The following PXDNL variants were observed in gnomAD, a reference collection of about 807,000 sequenced individuals.
PXDNL encodes peroxidasin like.
In PXDNL, 145 loss-of-function variants were observed where a neutral mutation model predicts 150.8. The ratio of observed to expected loss-of-function variants is 0.96; its 90% CI spans 0.84 to 1.10. The LOEUF is 1.10. PXDNL is among the 50% of genes least tolerant of loss of function. The pLI, the probability that PXDNL is intolerant of heterozygous loss-of-function variation, is 0.00. For missense variants in PXDNL, 2,087 were observed against 1,873.9 expected (o/e 1.11, Z -2.10); for synonymous variants, 757 against 725.7 (o/e 1.04, Z -0.69).
At chr8:51,569,987 T>C (rs1016670525) in intron 3 of PXDNL, among the ~76,000 whole-genome samples, 3 of 151,974 alleles carry the variant, frequency 2.0e-5, no homozygotes, top group African/African-American at 7.2e-5. Flanking sequence ...CCGGGATCAC[T>C]GCGAAGCTGC....
rs1815444918 is a variant in PXDNL, at chr8:51,669,009, AAAT to A, written c.165-14252_165-14250del. Among the ~76,000 whole-genome samples, 4 of 152,350 alleles carry A rather than the reference AAAT, an allele frequency of 2.6e-5. No individual in the cohort carries two copies. The South Asian group carries it at 8.3e-4, about 32-fold the overall frequency. On this transcript the variant is annotated intron_variant, in intron 1 of 22. Coordinates refer to ENST00000356297, the MANE Select transcript of PXDNL (RefSeq NM_144651.5). ...TATTAATTAAAATAAGTATCATTAA[AAAT>A]AACACAGTAGCTTGCATACTGAAGT... is the stretch of plus-strand genomic sequence containing the variant.
In PXDNL at chr8:51,679,098, C is replaced by T. The variant is rs76673964; in HGVS notation, c.165-24338G>A. ...AATCAGGTGGATGCAGTCCTATGAT[C>T]GAGGTAATGCAGAGGAAAAAACTGG... On this transcript the variant is annotated intron_variant, in intron 1 of 22. Coordinates refer to ENST00000356297, the MANE Select transcript of PXDNL (RefSeq NM_144651.5). 2.0e-3 allele frequency among the ~76,000 whole-genome samples: 302 copies of T among 152,250 alleles called. 1 individual carries two copies. Among genetic ancestry groups the T allele is most frequent in the African/African-American group, 6.8e-3 (282 of 41,558 alleles).
rs564854299 is a variant in PXDNL at position 51,533,136 on chromosome 8, A to C, written c.380+23704T>G. On this transcript the variant is annotated intron_variant, in intron 4 of 22. Coordinates refer to ENST00000356297, the MANE Select transcript of PXDNL (RefSeq NM_144651.5). ...ATCACCAAGTATTCATATGCTGTTT[A>C]TTTATTTATATTTATTTACTTTTTT... is the stretch of plus-strand genomic sequence containing the variant. Among the ~76,000 whole-genome samples the C allele has an allele frequency of 4.6e-4, 70 of 152,170 alleles. 1 individual carries two copies. Among genetic ancestry groups the C allele is most frequent in the African/African-American group, 1.6e-3 (68 of 41,528 alleles).
At chr8:51,799,235 G>T (rs894025954) in intron 1 of PXDNL, among the ~76,000 whole-genome samples, 2 of 152,034 alleles carry the variant, frequency 1.3e-5, no homozygotes, top group African/African-American at 4.8e-5. Flanking sequence ...AGGAGCCTGT[G>T]GGGGCAGGGC....
chr8:51,564,002 A>C (rs1812764360), intron 3 of PXDNL, among the ~76,000 whole-genome samples: 1 of 152,062 alleles, frequency 6.6e-6, no homozygotes, highest in Non-Finnish European at 1.5e-5. Context: ...TATACACAAA[A>C]TCTAAAAGTC....
intron 5 of PXDNL, among the ~76,000 whole-genome samples, chr8:51,494,981 T>A (rs1276812212): frequency 6.6e-6 from 1 of 152,170 alleles, no homozygotes; most frequent in Admixed American, 6.5e-5. Flanking sequence ...ATATACATTC[T>A]TTTCAGCACC....
intron 12 of PXDNL, chr8:51,435,705 C>T: frequency 3.3e-6 from 1 of 305,766 alleles, no homozygotes; most frequent in East Asian, 1.1e-4. Flanking sequence ...CTGGGCACCA[C>T]CGCAGAGGAG....
At chr8:51,597,651 T>TTGTGTGTGTGTG (rs71550272) in intron 2 of PXDNL, among the ~76,000 whole-genome samples, 3 of 149,804 alleles carry the variant, frequency 2.0e-5, no homozygotes, top group Non-Finnish European at 4.5e-5. Flanking sequence ...CTCTAAGTAT[T>TTGTGTGTGTGTG]TGTGTGTGTG....
intron 3 of PXDNL, among the ~76,000 whole-genome samples, chr8:51,564,384 C>T (rs1034678399): frequency 1.3e-5 from 2 of 151,658 alleles, no homozygotes; most frequent in Non-Finnish European, 2.9e-5. Context: ...CTTTTATTTT[C>T]GGTTCTGAGG....
At chr8:51,367,753 G>A (rs1175153235) in intron 19 of PXDNL, among the ~76,000 whole-genome samples, 3 of 152,174 alleles carry the variant, frequency 2.0e-5, no homozygotes, top group Non-Finnish European at 4.4e-5. Flanking sequence ...AATGGATTTA[G>A]TTAAGGGCAA....
At chr8:51,621,857 T>C (rs565386534) in intron 2 of PXDNL, among the ~76,000 whole-genome samples, 1 of 150,654 alleles carries the variant, frequency 6.6e-6, no homozygotes, top group East Asian at 2.0e-4. Context: ...CAGGATCACT[T>C]GAGCCCAAGA....
chr8:51,550,034 C>T (rs1430211610), intron 4 of PXDNL, among the ~76,000 whole-genome samples: 1 of 152,030 alleles, frequency 6.6e-6, no homozygotes, highest in Admixed American at 6.6e-5. Flanking sequence ...CAAAATATCA[C>T]TTGAGGCTAC....
rs1336753094 is a variant in PXDNL, at chr8:51,423,514, G to T, written c.1795+61C>A. 3 of 1,412,032 alleles carry T rather than the reference G, an allele frequency of 2.1e-6. No individual in the cohort carries two copies. In the African/African-American group the frequency reaches 4.3e-5, roughly 20 times the overall value. 87.5% of individuals were successfully genotyped at this position (1,412,032 alleles called of 1,614,324 possible). ...TTAGTGAGATCAGTCAAATAGGATT[G>T]GGGTAGAAGCTGTTCAAAGACAGTT... On this transcript the variant is annotated intron_variant, in intron 14 of 22. Coordinates refer to ENST00000356297, the MANE Select transcript of PXDNL (RefSeq NM_144651.5).
chr8:51,615,217 T>C (rs1250996977), intron 2 of PXDNL, among the ~76,000 whole-genome samples: 1 of 152,132 alleles, frequency 6.6e-6, no homozygotes, highest in Non-Finnish European at 1.5e-5. Flanking sequence ...CTTACTGGCA[T>C]TTTTTAAATG....
intron 1 of PXDNL, among the ~76,000 whole-genome samples, chr8:51,654,966 A>T (rs1259838110): frequency 1.3e-5 from 2 of 152,214 alleles, no homozygotes; most frequent in Non-Finnish European, 1.5e-5. Flanking sequence ...CTCTGGGGCC[A>T]TATGCTTGTC....
chr8:51,371,322 C>G (rs935792113), intron 19 of PXDNL, among the ~76,000 whole-genome samples: 2 of 152,326 alleles, frequency 1.3e-5, no homozygotes, highest in Admixed American at 6.5e-5. Flanking sequence ...ATTGTGAGCA[C>G]AAAACAGATG....
At chr8:51,714,507 T>G (rs2130905100) in intron 1 of PXDNL, among the ~76,000 whole-genome samples, 1 of 152,220 alleles carries the variant, frequency 6.6e-6, no homozygotes, top group East Asian at 1.9e-4. Flanking sequence ...AAAAAAAGAT[T>G]TTGGGGTTAT....
intron 21 of PXDNL, among the ~76,000 whole-genome samples, chr8:51,338,717 G>A (rs535239100): frequency 7.2e-5 from 11 of 152,280 alleles, no homozygotes; most frequent in South Asian, 2.1e-4. Flanking sequence ...TATCTACATC[G>A]CAATTTCTAA....
chr8:51,456,809 G>T (rs1440233780), intron 9 of PXDNL, among the ~76,000 whole-genome samples: 4 of 152,154 alleles, frequency 2.6e-5, no homozygotes, highest in Non-Finnish European at 5.9e-5. Context: ...ACTGACAAAT[G>T]CTGCAAATCA....
Sources: gnomAD v4.1 joint callset for allele counts (sites outside exome capture counted in the v4.1 genomes callset) on GRCh38, gnomAD v4.1.1 for gene constraint, MANE v1.5 for transcripts, NCBI Gene and HGNC (gene_info 2026-07-23, HGNC 2026-07-21) for gene names.